Variants in MDGA2 observed in about 807,000 individuals in gnomAD.
MDGA2 encodes MAM domain-containing glycosylphosphatidylinositol anchor protein 2.
In MDGA2, 40 loss-of-function variants were observed where a neutral mutation model predicts 117.8. That is an observed-to-expected ratio of 0.34 (90% confidence interval 0.26 to 0.44). MDGA2 has a LOEUF of 0.44. MDGA2 is among the 20% of genes least tolerant of loss of function. The probability of loss-of-function intolerance (pLI) is 1.00; values close to 1 mark genes in which losing one functional copy is unlikely to be tolerated. For missense variants in MDGA2, 1,123 were observed against 1,250.6 expected (o/e 0.90, Z 1.54); for synonymous variants, 452 against 439.0 (o/e 1.03, Z -0.37).
At chr14:47,136,165 G>C (rs1273664461) in intron 4 of MDGA2, among the ~76,000 whole-genome samples, 3 of 147,640 alleles carry the variant, frequency 2.0e-5, no homozygotes, top group Admixed American at 1.4e-4. Flanking sequence ...AATTTTATCT[G>C]ACAGCCATTA....
chr14:47,018,608 T>G (rs1391593406), intron 8 of MDGA2, among the ~76,000 whole-genome samples: 2 of 151,710 alleles, frequency 1.3e-5, no homozygotes, highest in Non-Finnish European at 2.9e-5. Context: ...AAGTAGATAC[T>G]GAGAACACAG....
chr14:47,586,974 T>C (rs1318334463), intron 1 of MDGA2, among the ~76,000 whole-genome samples: 3 of 151,942 alleles, frequency 2.0e-5, no homozygotes, highest in South Asian at 2.1e-4. Context: ...TAACTACAAA[T>C]AGCTATTAAT....
chr14:47,184,299 T>C (rs1884826805), intron 3 of MDGA2, among the ~76,000 whole-genome samples: 1 of 152,014 alleles, frequency 6.6e-6, no homozygotes, highest in African/African-American at 2.4e-5. Context: ...TATTTATTCA[T>C]GAATGATTGC....
At chr14:46,964,194 T>C (rs1024658428) in intron 8 of MDGA2, among the ~76,000 whole-genome samples, 4 of 152,220 alleles carry the variant, frequency 2.6e-5, no homozygotes, top group Non-Finnish European at 5.9e-5. Context: ...GGGCAGAGTT[T>C]AGCTTAGACT....
intron 1 of MDGA2, among the ~76,000 whole-genome samples, chr14:47,331,235 A>G (rs557427319): frequency 2.0e-5 from 3 of 152,060 alleles, no homozygotes; most frequent in East Asian, 1.9e-4. Context: ...TTAGGGGAAA[A>G]CGTACTTTTA....
intron 3 of MDGA2, among the ~76,000 whole-genome samples, chr14:47,160,031 G>A (rs936348941): frequency 4.6e-5 from 7 of 152,062 alleles, no homozygotes; most frequent in Non-Finnish European, 8.8e-5. Flanking sequence ...ATCCAGAACC[G>A]AATTTTGAAT....
In MDGA2 at chr14:46,980,829, T is replaced by A. The variant is rs567131994; in HGVS notation, c.1820-23186A>T. Among the ~76,000 whole-genome samples the A allele has an allele frequency of 3.9e-5, 6 of 152,310 alleles. No individual in the cohort carries two copies. The South Asian group carries it at 1.2e-3, about 32-fold the overall frequency. On this transcript the variant is annotated intron_variant, in intron 8 of 16. Transcript: ENST00000399232. ...AGCTATGTACACTTTTTAGACATAA[T>A]GCTATTGCACACTTAATAGACAACA...
intron 1 of MDGA2, among the ~76,000 whole-genome samples, chr14:47,543,047 A>C (rs1012363603): frequency 1.3e-5 from 2 of 152,012 alleles, no homozygotes; most frequent in Non-Finnish European, 1.5e-5. Flanking sequence ...CTGTCTTTAC[A>C]AAAAAATAGA....
At chr14:47,089,741 A>G (rs1254817104) in intron 6 of MDGA2, among the ~76,000 whole-genome samples, 3 of 152,136 alleles carry the variant, frequency 2.0e-5, no homozygotes, top group Non-Finnish European at 4.4e-5. Flanking sequence ...TTGTAGGGAC[A>G]TGGAGGAAGC....
intron 1 of MDGA2, among the ~76,000 whole-genome samples, chr14:47,351,902 A>AACACACACACACACAC (rs35860893): frequency 4.7e-5 from 7 of 148,392 alleles, no homozygotes; most frequent in Non-Finnish European, 7.4e-5. Flanking sequence ...CTCTAAATTA[A>AACACACACACACACAC]ACACACACAC....
chr14:47,200,699 T>C (rs1885470370), intron 3 of MDGA2: 9 of 935,482 alleles, frequency 9.6e-6, no homozygotes, highest in African/African-American at 1.6e-5. Flanking sequence ...GATCTTGGCC[T>C]TCTCCTTCCT....
chr14:47,244,360 A>T lies in MDGA2; in HGVS notation c.421-26165T>A, dbSNP rs537517586. On this transcript the variant is annotated intron_variant, in intron 2 of 16. Transcript: ENST00000399232. ...TCTGGAATTAAGTGAATAAGTCCCT[A>T]TGTATCCAATATTACACTCTTGCCA... 1.1e-4 allele frequency among the ~76,000 whole-genome samples: 16 copies of T among 151,940 alleles called. No homozygotes were observed. The South Asian group carries it at 3.3e-3, about 32-fold the overall frequency.
At chr14:46,853,693 G>T (rs2138296449) in intron 15 of MDGA2, among the ~76,000 whole-genome samples, 1 of 151,728 alleles carries the variant, frequency 6.6e-6, no homozygotes, top group South Asian at 2.1e-4. Context: ...TATGACCTTG[G>T]TATTTTTGTT....
intron 1 of MDGA2, among the ~76,000 whole-genome samples, chr14:47,570,869 C>T (rs529533319): frequency 3.3e-5 from 5 of 152,160 alleles, no homozygotes; most frequent in African/African-American, 1.2e-4. Context: ...GACTAAAATA[C>T]AAAAGCAATG....
At chr14:46,931,236 A>C (rs982832131) in intron 9 of MDGA2, among the ~76,000 whole-genome samples, 30 of 143,052 alleles carry the variant, frequency 2.1e-4, no homozygotes, top group East Asian at 1.6e-3. Context: ...AAAAAAAAAA[A>C]CTCAAAATCT....
In MDGA2 at chr14:47,053,670, C is replaced by T. The variant is rs1359367522; in HGVS notation, c.1525+7579G>A. Among the ~76,000 whole-genome samples the T allele has an allele frequency of 4.1e-4, 56 of 137,532 alleles. 1 individual carries two copies. The South Asian group carries it at 5.5e-3, about 14-fold the overall frequency. 90.2% of individuals were successfully genotyped at this position (137,532 alleles called of 152,430 possible). ...ATATATATATACACACACACACACA[C>T]ATATATATATACACACACACATATA... On this transcript the variant is annotated intron_variant, in intron 7 of 16. Transcript: ENST00000399232.
At chr14:46,846,416 C>T (rs1880841624) in intron 15 of MDGA2, among the ~76,000 whole-genome samples, 1 of 152,032 alleles carries the variant, frequency 6.6e-6, no homozygotes. Context: ...TTATAATTTA[C>T]CTCCATGATT....
intron 1 of MDGA2, among the ~76,000 whole-genome samples, chr14:47,407,392 C>T (rs1487882330): frequency 6.6e-6 from 1 of 152,018 alleles, no homozygotes; most frequent in East Asian, 1.9e-4. Flanking sequence ...ACTAATAATG[C>T]AGTAATCATT....
At chr14:47,009,768 G>A (rs1271733093) in intron 8 of MDGA2, among the ~76,000 whole-genome samples, 2 of 151,950 alleles carry the variant, frequency 1.3e-5, no homozygotes, top group African/African-American at 4.8e-5. Context: ...CAGGGAAAGA[G>A]GGCAGCAGCA....
Sources: allele counts gnomAD v4.1 joint callset (sites outside exome capture counted in the v4.1 genomes callset), GRCh38; gene constraint gnomAD v4.1.1; transcripts MANE v1.5; gene names NCBI Gene and HGNC (gene_info 2026-07-23, HGNC 2026-07-21).